Variants in AFG2A observed in about 807,000 individuals in gnomAD.
AFG2A encodes the protein ATPase family gene 2 protein homolog A.
At chr4:123,070,525 T>C in the AFG2A span, among the ~76,000 whole-genome samples, 1 of 152,162 alleles carries the variant, frequency 6.6e-6, no homozygotes, top group African/African-American at 2.4e-5. Flanking sequence ...CTTTATAGAA[T>C]GCCATCTTCT....
the AFG2A span, among the ~76,000 whole-genome samples, chr4:122,988,401 CTTT>C: frequency 2.8e-4 from 34 of 123,024 alleles, no homozygotes; most frequent in Non-Finnish European, 3.0e-4. Flanking sequence ...GTCATTCTTT[CTTT>C]TTTTTTTTTT....
the AFG2A span, among the ~76,000 whole-genome samples, chr4:122,943,183 G>C: frequency 5.3e-5 from 8 of 152,074 alleles, no homozygotes; most frequent in African/African-American, 1.9e-4. Context: ...CAATTCCTGG[G>C]TATCCTTGTT....
At chr4:122,964,040 C>T in the AFG2A span, among the ~76,000 whole-genome samples, 1 of 151,788 alleles carries the variant, frequency 6.6e-6, no homozygotes, top group African/African-American at 2.4e-5. Flanking sequence ...CACCTTTTTT[C>T]AAATAACAAA....
the AFG2A span, among the ~76,000 whole-genome samples, chr4:123,213,655 A>G: frequency 6.6e-6 from 1 of 152,168 alleles, no homozygotes; most frequent in East Asian, 1.9e-4. Context: ...TCTAATTTTA[A>G]AAAGAACTAT....
At chr4:123,270,588 A>C in the AFG2A span, among the ~76,000 whole-genome samples, 1 of 152,214 alleles carries the variant, frequency 6.6e-6, no homozygotes, top group Non-Finnish European at 1.5e-5. Context: ...TCAGCGAAAT[A>C]ATGCAAAAAA....
At chr4:123,127,582 AT>A in the AFG2A span, among the ~76,000 whole-genome samples, 2 of 151,992 alleles carry the variant, frequency 1.3e-5, no homozygotes, top group African/African-American at 2.4e-5. Flanking sequence ...AAAGGAATTA[AT>A]TTTTTTAGAT....
the AFG2A span, among the ~76,000 whole-genome samples, chr4:122,996,130 T>C: frequency 6.6e-6 from 1 of 152,220 alleles, no homozygotes; most frequent in East Asian, 1.9e-4. Context: ...TCCACTTGCA[T>C]CTCACTTTAT....
chr4:123,270,512 G>A, the AFG2A span, among the ~76,000 whole-genome samples: 1 of 152,126 alleles, frequency 6.6e-6, no homozygotes, highest in African/African-American at 2.4e-5. Flanking sequence ...TAAACCTTGT[G>A]TGCTTTGTGC....
chr4:122,960,871 G>A, the AFG2A span, among the ~76,000 whole-genome samples: 1 of 152,054 alleles, frequency 6.6e-6, no homozygotes, highest in Non-Finnish European at 1.5e-5. Context: ...TCTTATGAAA[G>A]GTTCTGTTTC....
chr4:123,171,083 G>C, the AFG2A span, among the ~76,000 whole-genome samples: 464 of 152,296 alleles, frequency 3.0e-3, 2 homozygotes, highest in African/African-American at 0.01. Flanking sequence ...GGTGTGCCCA[G>C]CTCTGCCCTT....
chr4:122,984,060 C>T, the AFG2A span, among the ~76,000 whole-genome samples: 1 of 152,154 alleles, frequency 6.6e-6, no homozygotes, highest in African/African-American at 2.4e-5. Flanking sequence ...TGGTAACATG[C>T]CAAAACAAGG....
At chr4:122,938,916 T>A in the AFG2A span, among the ~76,000 whole-genome samples, 1 of 151,850 alleles carries the variant, frequency 6.6e-6, no homozygotes, top group Middle Eastern at 3.4e-3. Flanking sequence ...TATTAAGAAA[T>A]GTCATGAGTA....
At chr4:123,051,355 TAAG>T in the AFG2A span, among the ~76,000 whole-genome samples, 708 of 152,118 alleles carry the variant, frequency 4.7e-3, 9 homozygotes, top group African/African-American at 0.016. Flanking sequence ...GATTGCAAGA[TAAG>T]AAACAAATGA....
the AFG2A span, among the ~76,000 whole-genome samples, chr4:123,289,672 ATCTGTTGTTTT>A: frequency 6.6e-6 from 1 of 152,090 alleles, no homozygotes; most frequent in African/African-American, 2.4e-5. Flanking sequence ...CCTCATCAAC[ATCTGTTGTTTT>A]TCTGTTTTTG....
chr4:122,960,099 C>CA, the AFG2A span, among the ~76,000 whole-genome samples: 2 of 152,140 alleles, frequency 1.3e-5, no homozygotes, highest in Non-Finnish European at 2.9e-5. Flanking sequence ...CTTTTTAAAG[C>CA]AAAGAGCAGC....
the AFG2A span, among the ~76,000 whole-genome samples, chr4:123,024,998 G>C: frequency 1.3e-5 from 2 of 152,138 alleles, no homozygotes; most frequent in Non-Finnish European, 2.9e-5. Context: ...CGGGGAATGC[G>C]GGGGAGAGGT....
chr4:123,103,623 A>G, the AFG2A span, among the ~76,000 whole-genome samples: 36 of 152,250 alleles, frequency 2.4e-4, no homozygotes. Context: ...TTAAATATAT[A>G]TTTAACATAG....
the AFG2A span, among the ~76,000 whole-genome samples, chr4:122,997,946 T>C: frequency 6.6e-6 from 1 of 152,188 alleles, no homozygotes; most frequent in Admixed American, 6.6e-5. Context: ...TTGCATCTGC[T>C]TTAGGGAAAT....
the AFG2A span, among the ~76,000 whole-genome samples, chr4:122,940,720 T>C: frequency 6.6e-6 from 1 of 152,150 alleles, no homozygotes; most frequent in African/African-American, 2.4e-5. Context: ...GCCTATGTCC[T>C]GAATGGTAAT....
Sources: allele counts gnomAD v4.1 joint callset (sites outside exome capture counted in the v4.1 genomes callset), GRCh38; gene constraint gnomAD v4.1.1; transcripts MANE v1.5; gene names NCBI Gene and HGNC (gene_info 2026-07-23, HGNC 2026-07-21).